ARHGAP8: variants seen among roughly 807,000 people sequenced by gnomAD.
The protein encoded by ARHGAP8 is rho GTPase-activating protein 8.
A neutral mutation model predicts 46.1 loss-of-function variants in ARHGAP8; 62 were observed. The ratio of observed to expected loss-of-function variants is 1.34; its 90% CI spans 1.10 to 1.66. The LOEUF is 1.66. ARHGAP8 is among the 40% of genes most tolerant of loss of function. The probability of loss-of-function intolerance (pLI) is 0.00; values close to 1 mark genes in which losing one functional copy is unlikely to be tolerated. For synonymous variants in ARHGAP8, 375 were observed against 243.1 expected (o/e 1.54, Z -5.05); for missense variants, 923 against 568.4 (o/e 1.62, Z -6.34).
Position 44,849,061 on chromosome 22 carries a change from G to C in ARHGAP8, c.877+1G>C. 5 of 1,613,792 alleles carry C rather than the reference G, an allele frequency of 3.1e-6. No homozygotes were observed. Among genetic ancestry groups the C allele is most frequent in the Non-Finnish European group, 4.2e-6 (5 of 1,179,944 alleles). On this transcript the variant is annotated splice_donor_variant, in intron 10 of 11. Coordinates refer to ENST00000356099, the MANE Select transcript of ARHGAP8 (RefSeq NM_181335.3). LOFTEE classifies it high-confidence loss of function. ...TACGAGCAGATTCTCGGGATCACCT[G>C]TGCGTAGCTGCCCTGGCGCAGGGGT...
chr22:44,853,097 C>T (rs753119415), intron 10 of ARHGAP8, among the ~76,000 whole-genome samples: 11 of 146,296 alleles, frequency 7.5e-5, no homozygotes, highest in Admixed American at 2.7e-4. Flanking sequence ...CCACCGTGTC[C>T]GGCCTAAACT....
At chr22:44,858,466 C>G (rs1455331402) in intron 10 of ARHGAP8, among the ~76,000 whole-genome samples, 1 of 145,932 alleles carries the variant, frequency 6.9e-6, no homozygotes, top group Non-Finnish European at 1.5e-5. Flanking sequence ...CTTCTGAGTT[C>G]AAGCAATTCT....
intron 7 of ARHGAP8, among the ~76,000 whole-genome samples, chr22:44,836,734 A>G (rs1357150142): frequency 5.3e-5 from 8 of 151,916 alleles, no homozygotes; most frequent in African/African-American, 1.7e-4. Context: ...TGTTGTATTT[A>G]GAAGATGCAG....
At chr22:44,827,363 G>C (rs1332913154) in intron 7 of ARHGAP8, among the ~76,000 whole-genome samples, 1 of 2,524 alleles carries the variant, frequency 4.0e-4, no homozygotes, top group Non-Finnish European at 1.6e-3. Context: ...TTTTTTTTTT[G>C]AGACAGTCTC....
chr22:44,800,035 CGGAGGATGGTCTGCAGGCAT>C (rs1053213162), intron 2 of ARHGAP8, among the ~76,000 whole-genome samples: 12 of 150,664 alleles, frequency 8.0e-5, no homozygotes, highest in Admixed American at 2.6e-4. Context: ...TCTGCAGGCA[CGGAGGATGGTCTGCAGGCAT>C]GGAGGATGGT....
chr22:44,837,940 T>G (rs1009386258), intron 7 of ARHGAP8, among the ~76,000 whole-genome samples: 6 of 152,136 alleles, frequency 3.9e-5, no homozygotes, highest in African/African-American at 1.4e-4. Flanking sequence ...CTGGATGATC[T>G]CAGAGTCTCT....
intron 7 of ARHGAP8, 79 bp downstream of exon 7, chr22:44,825,672 T>C: frequency 1.3e-6 from 2 of 1,484,516 alleles, no homozygotes; most frequent in South Asian, 1.3e-5. Context: ...CCAGAAATAT[T>C]TTCCCCAGAC....
intron 10 of ARHGAP8, among the ~76,000 whole-genome samples, chr22:44,858,995 G>A (rs549180051): frequency 5.9e-5 from 9 of 151,924 alleles, no homozygotes; most frequent in East Asian, 1.9e-4. Context: ...CAAAATGTCC[G>A]TGGCTGTGTT....
intron 1 of ARHGAP8, among the ~76,000 whole-genome samples, chr22:44,768,951 CAGCCTCCCAAGT>C (rs902972337): frequency 2.0e-5 from 3 of 151,910 alleles, no homozygotes; most frequent in Non-Finnish European, 4.4e-5. Flanking sequence ...TTTCCTGCCT[CAGCCTCCCAAGT>C]AGCTGGGATT....
chr22:44,856,510 G>C (rs2147185246), intron 10 of ARHGAP8, among the ~76,000 whole-genome samples: 2 of 152,112 alleles, frequency 1.3e-5, no homozygotes, highest in African/African-American at 4.8e-5. Flanking sequence ...CTGATCTCAG[G>C]TGATCCATCC....
chr22:44,861,935 G>T (rs8142212), intron 11 of ARHGAP8, among the ~76,000 whole-genome samples: 2 of 151,998 alleles, frequency 1.3e-5, no homozygotes, highest in Non-Finnish European at 2.9e-5. Context: ...AGGCCAGAGA[G>T]GTCACCAAGT....
At chr22:44,775,238 C>T (rs575994720) in intron 1 of ARHGAP8, among the ~76,000 whole-genome samples, 26 of 152,290 alleles carry the variant, frequency 1.7e-4, no homozygotes, top group African/African-American at 6.0e-4. Context: ...ATACTCAGCA[C>T]CAGCGTTTTA....
intron 10 of ARHGAP8, among the ~76,000 whole-genome samples, chr22:44,857,617 T>C (rs1279790332): frequency 6.6e-6 from 1 of 152,042 alleles, no homozygotes; most frequent in Admixed American, 6.6e-5. Flanking sequence ...GGCAGGAAAC[T>C]AGGGGGACAT....
intron 1 of ARHGAP8, among the ~76,000 whole-genome samples, chr22:44,774,549 T>C (rs1926278052): frequency 7.4e-6 from 1 of 135,462 alleles, no homozygotes; most frequent in African/African-American, 2.7e-5. Context: ...TGAGATGGAG[T>C]TTCGTTCTTG....
At chr22:44,816,884 C>CTTTTTTTTTTTTTTTTTT (rs981732386) in intron 5 of ARHGAP8, among the ~76,000 whole-genome samples, 1 of 115,110 alleles carries the variant, frequency 8.7e-6, no homozygotes, top group African/African-American at 3.3e-5. Flanking sequence ...TTCTTTCTTT[C>CTTTTTTTTTTTTTTTTTT]TTTTTTTTTT....
intron 2 of ARHGAP8, among the ~76,000 whole-genome samples, chr22:44,796,142 C>T (rs1928067970): frequency 6.6e-6 from 1 of 152,222 alleles, no homozygotes; most frequent in Non-Finnish European, 1.5e-5. Context: ...GATCTCTGAA[C>T]ACCCCCTGAG....
chr22:44,848,473 C>T (rs754433509), intron 9 of ARHGAP8, among the ~76,000 whole-genome samples: 33 of 152,250 alleles, frequency 2.2e-4, no homozygotes, highest in Non-Finnish European at 4.1e-4. Context: ...ATTGCACTGA[C>T]GCTAATGAAG....
intron 10 of ARHGAP8, among the ~76,000 whole-genome samples, chr22:44,851,334 ACGAGAAAAGCATGCCAGT>A (rs1192885826): frequency 6.6e-5 from 10 of 152,362 alleles, no homozygotes; most frequent in East Asian, 5.8e-4. Flanking sequence ...ACAGATTCAC[ACGAGAAAAGCATGCCAGT>A]TTATTTAATG....
chr22:44,857,378 C>T (rs563919171), intron 10 of ARHGAP8, among the ~76,000 whole-genome samples: 1 of 152,280 alleles, frequency 6.6e-6, no homozygotes, highest in Non-Finnish European at 1.5e-5. Context: ...AAAATCTTTT[C>T]CTTCTCCCCA....
Sources: gnomAD v4.1 joint callset for allele counts (sites outside exome capture counted in the v4.1 genomes callset) on GRCh38, gnomAD v4.1.1 for gene constraint, MANE v1.5 for transcripts, NCBI Gene and HGNC (gene_info 2026-07-23, HGNC 2026-07-21) for gene names.